The following TENM4 variants were observed in gnomAD, a reference collection of about 807,000 sequenced individuals.
TENM4 encodes teneurin transmembrane protein 4, also known as teneurin-4.
In TENM4, 82 loss-of-function variants were observed where a neutral mutation model predicts 243.3. The ratio of observed to expected loss-of-function variants is 0.34; its 90% confidence interval spans 0.28 to 0.40. TENM4 has a LOEUF of 0.40. TENM4 is among the 10% of genes least tolerant of loss of function. TENM4 has a pLI of 1.00. For synonymous variants in TENM4, 1,412 were observed against 1,456.3 expected (o/e 0.97, Z 0.69); for missense variants, 3,138 against 3,673.3 (o/e 0.85, Z 3.77).
At chr11:79,329,366 A>T (rs1221241677) in intron 1 of TENM4, among the ~76,000 whole-genome samples, 1 of 152,212 alleles carries the variant, frequency 6.6e-6, no homozygotes, top group Non-Finnish European at 1.5e-5. Context: ...ACAGACTTTC[A>T]TTCATTCATC....
intron 3 of TENM4, among the ~76,000 whole-genome samples, chr11:79,195,583 T>C (rs1222110893): frequency 1.3e-5 from 2 of 152,158 alleles, no homozygotes; most frequent in African/African-American, 4.8e-5. Flanking sequence ...ATTTTGGACT[T>C]TCATGGGCCC....
chr11:79,116,126 T>TA (rs1381898579), intron 4 of TENM4, among the ~76,000 whole-genome samples: 2 of 152,178 alleles, frequency 1.3e-5, no homozygotes, highest in Non-Finnish European at 2.9e-5. Context: ...GAAACAAAAT[T>TA]GTCCACATTG....
At chr11:79,299,285 A>G (rs1174894036) in intron 1 of TENM4, among the ~76,000 whole-genome samples, 2 of 152,172 alleles carry the variant, frequency 1.3e-5, no homozygotes, top group Non-Finnish European at 2.9e-5. Flanking sequence ...AAAAATGCCT[A>G]ACACTTAGTC....
chr11:78,981,938 C>T (rs956834056), intron 6 of TENM4, among the ~76,000 whole-genome samples: 5 of 152,118 alleles, frequency 3.3e-5, no homozygotes, highest in Non-Finnish European at 7.3e-5. Context: ...TCCCTCTCCA[C>T]CACCATGCAC....
chr11:78,866,826 T>G (rs1323945388), intron 9 of TENM4, among the ~76,000 whole-genome samples: 1 of 152,146 alleles, frequency 6.6e-6, no homozygotes, highest in Non-Finnish European at 1.5e-5. Flanking sequence ...AGCTGGTGGG[T>G]AGGGAAGGAA....
chr11:78,728,845 G>T lies in TENM4; in HGVS notation c.3406+531C>A, dbSNP rs568392326. Among the ~76,000 whole-genome samples the T allele has an allele frequency of 2.5e-3, 381 of 152,270 alleles. 2 individuals are homozygous for T. The highest frequency in any genetic ancestry group is 4.7e-3 in the Non-Finnish European group (318 of 68,024). On this transcript the variant is annotated intron_variant, in intron 22 of 33. Coordinates refer to ENST00000278550, the MANE Select transcript of TENM4 (RefSeq NM_001098816.3). ...CCTGGAAGCCCAAGGGCCAAGAGAG[G>T]CTAGGACTCCAGGTGAGGCTACAGC...
intron 2 of TENM4, among the ~76,000 whole-genome samples, chr11:79,293,885 C>T (rs1856399411): frequency 6.6e-6 from 1 of 152,194 alleles, no homozygotes; most frequent in Admixed American, 6.5e-5. Flanking sequence ...AGGGCAGGCC[C>T]TCTAGGACCA....
chr11:79,405,279 C>G (rs1174215475), intron 1 of TENM4, among the ~76,000 whole-genome samples: 2 of 152,090 alleles, frequency 1.3e-5, no homozygotes, highest in Non-Finnish European at 2.9e-5. Context: ...TCACTTACTG[C>G]TCACAGCAAC....
At chr11:78,830,496 G>T (rs1857954809) in intron 12 of TENM4, among the ~76,000 whole-genome samples, 1 of 152,250 alleles carries the variant, frequency 6.6e-6, no homozygotes, top group Admixed American at 6.5e-5. Context: ...AGGAAGAACA[G>T]ATCAGCACCC....
At chr11:79,250,133 G>A (rs1037419990) in intron 2 of TENM4, among the ~76,000 whole-genome samples, 4 of 152,096 alleles carry the variant, frequency 2.6e-5, no homozygotes, top group Middle Eastern at 3.2e-3. Flanking sequence ...TTACAGGTGA[G>A]CACCACCATG....
At chr11:78,789,160 A>T (rs1857001872) in intron 15 of TENM4, among the ~76,000 whole-genome samples, 2 of 152,142 alleles carry the variant, frequency 1.3e-5, no homozygotes, top group South Asian at 4.2e-4. Context: ...GGTTTGTTGG[A>T]TGATGGATGA....
At chr11:79,160,998 C>T (rs761376657) in intron 3 of TENM4, among the ~76,000 whole-genome samples, 10 of 152,172 alleles carry the variant, frequency 6.6e-5, no homozygotes, top group African/African-American at 9.7e-5. Context: ...TCTTCCACCA[C>T]CTACTGGCTA....
intron 4 of TENM4, among the ~76,000 whole-genome samples, chr11:79,144,605 A>T (rs886680069): frequency 2.6e-5 from 4 of 152,120 alleles, no homozygotes; most frequent in African/African-American, 9.7e-5. Flanking sequence ...GCCATAAAAA[A>T]TAAAGAGATC....
chr11:78,844,890 C>T (rs989014250), intron 12 of TENM4, among the ~76,000 whole-genome samples: 3 of 152,202 alleles, frequency 2.0e-5, no homozygotes, highest in Admixed American at 6.5e-5. Context: ...AGCAGACTAA[C>T]ACACTCCTTT....
intron 28 of TENM4, 115 bp downstream of exon 28, chr11:78,701,411 G>A (rs1859098863): frequency 1.7e-5 from 22 of 1,298,326 alleles, no homozygotes; most frequent in South Asian, 6.3e-5. Context: ...TGTATTATAA[G>A]TAATAGTTTT....
At chr11:79,068,899 T>C (rs536116654) in intron 5 of TENM4, among the ~76,000 whole-genome samples, 41 of 152,254 alleles carry the variant, frequency 2.7e-4, no homozygotes, top group South Asian at 1.7e-3. Context: ...GAAAGAGTTC[T>C]ATGCTAGGGG....
intron 16 of TENM4, among the ~76,000 whole-genome samples, chr11:78,782,482 G>A (rs925892477): frequency 2.0e-5 from 3 of 152,166 alleles, no homozygotes; most frequent in Admixed American, 1.3e-4. Flanking sequence ...CTGTGATCCC[G>A]GCTACTTGGG....
In TENM4 at chr11:78,965,371, C is replaced by T. The variant is rs374374619; in HGVS notation, c.494-61848G>A. Among the ~76,000 whole-genome samples, 20 of 152,072 alleles carry T rather than the reference C, an allele frequency of 1.3e-4. No homozygotes were observed. In the South Asian group the frequency reaches 3.3e-3, roughly 25 times the overall value. Reference sequence around the variant, plus strand: ...CCAGTTTTGGAAAAGTTCTGTCTACCAGGCCACATGTATTAAGCCAATATA... The same window carrying T: ...CCAGTTTTGGAAAAGTTCTGTCTACTAGGCCACATGTATTAAGCCAATATA... On this transcript the variant is annotated intron_variant, in intron 6 of 33. Transcript: ENST00000278550.
At chr11:79,078,833 T>C (rs1467500349) in intron 4 of TENM4, among the ~76,000 whole-genome samples, 2 of 152,210 alleles carry the variant, frequency 1.3e-5, no homozygotes, top group Non-Finnish European at 1.5e-5. Context: ...GGAGGTTAAG[T>C]ATCCTGCCTG....
Sources: allele counts gnomAD v4.1 joint callset (sites outside exome capture counted in the v4.1 genomes callset), GRCh38; gene constraint gnomAD v4.1.1; transcripts MANE v1.5; gene names NCBI Gene and HGNC (gene_info 2026-07-23, HGNC 2026-07-21).